SNX31: variants seen among roughly 807,000 people sequenced by gnomAD.
SNX31 encodes sorting nexin 31.
Under a neutral mutation model 65.4 loss-of-function variants are expected in SNX31, and 58 were observed. The ratio of observed to expected loss-of-function variants is 0.89; its 90% CI spans 0.72 to 1.10. SNX31 has a LOEUF of 1.10. SNX31 is among the 50% of genes least tolerant of loss of function. The probability of loss-of-function intolerance (pLI) is 0.00; values close to 1 mark genes in which losing one functional copy is unlikely to be tolerated. For missense variants in SNX31, 523 were observed against 529.7 expected (o/e 0.99, Z 0.12); for synonymous variants, 181 against 190.1 (o/e 0.95, Z 0.39).
intron 5 of SNX31, among the ~76,000 whole-genome samples, chr8:100,615,936 A>AT (rs113202320): frequency 0.031 from 4,634 of 149,094 alleles, 129 homozygotes; most frequent in African/African-American, 0.068. Flanking sequence ...CGCCCGGCTA[A>AT]TTTTTTTTTT....
chr8:100,578,913 G>T lies in SNX31; in HGVS notation c.1171-1838C>A, dbSNP rs186264136. 6.6e-6 allele frequency among the ~76,000 whole-genome samples: 1 copy of T among 151,832 alleles called. No individual in the cohort carries two copies. The highest frequency in any genetic ancestry group is 2.4e-5 in the African/African-American group (1 of 41,382). On this transcript the variant is annotated intron_variant, in intron 12 of 13. Transcript: ENST00000311812. The surrounding 1 kb of genome is among the most constrained non-coding windows in gnomAD (Gnocchi z 4.7). ...ATTTTTGTATTTTTGGTAGAGATGG[G>T]GTTTCACCATGTTGGCCAGGCTGGT...
chr8:100,586,716 A>T (rs546235465), intron 11 of SNX31, among the ~76,000 whole-genome samples: 3 of 152,318 alleles, frequency 2.0e-5, no homozygotes, highest in African/African-American at 7.2e-5. Context: ...TCATGTTTTC[A>T]GAGGACTTTG....
Position 100,629,133 on chromosome 8 carries a change from G to A in SNX31, c.321+1194C>T, listed in dbSNP as rs2131171938. ...GAATCCACATTTTTAAGTGACACAT[G>A]ATTGTGTGTGTGCATGTATGTGTAT... On this transcript the variant is annotated intron_variant, in intron 4 of 13. Coordinates refer to ENST00000311812, the MANE Select transcript of SNX31 (RefSeq NM_152628.4). The surrounding 1 kb of genome is among the most constrained non-coding windows in gnomAD (Gnocchi z 5.1). Among the ~76,000 whole-genome samples, 1 of 152,206 alleles carries A rather than the reference G, an allele frequency of 6.6e-6. No individual in the cohort carries two copies. Among genetic ancestry groups the A allele is most frequent in the South Asian group, 2.1e-4 (1 of 4,820 alleles).
chr8:100,640,841 A>C (rs561408622), intron 2 of SNX31, among the ~76,000 whole-genome samples: 1 of 152,334 alleles, frequency 6.6e-6, no homozygotes, highest in South Asian at 2.1e-4. Context: ...AGAGGAACTT[A>C]AGGAGACCTA....
chr8:100,600,416 C>T lies in SNX31; in HGVS notation c.707G>A (p.Trp236Ter). The T allele has an allele frequency of 6.2e-7, 1 of 1,613,466 alleles. No individual in the cohort carries two copies. The highest frequency in any genetic ancestry group is 8.5e-7 in the Non-Finnish European group (1 of 1,179,752). ...CCTCTGTGCCTGTGTGGGTTTGGCC[C>T]ATCCTTTTTCAATGTCCTGTATTGC... ...MQAIQDIEKG[W>*]AKPTQAQRQK... Residue 236 changes from tryptophan to a stop codon, truncating the protein, a stop_gained, in exon 9 of 14, where the codon TGG becomes TAG. Transcript: ENST00000311812. LOFTEE classifies it high-confidence loss of function.
At position 100,614,291 on chromosome 8, in the gene SNX31, C is replaced by T. The variant is rs1015408178; in HGVS notation, c.433-1206G>A. On this transcript the variant is annotated intron_variant, in intron 5 of 13. Transcript: ENST00000311812. This position sits in a 1 kb window ranked among gnomAD's most constrained non-coding sequence, Gnocchi z 5.1. ...ACATCTTTCCCAGAGTAAACCTGAC[C>T]CAGGTCCACTCAAGTTAGATTTCCT... Among the ~76,000 whole-genome samples the T allele has an allele frequency of 1.3e-4, 20 of 152,088 alleles. No individual in the cohort carries two copies. Among genetic ancestry groups the T allele is most frequent in the Non-Finnish European group, 2.9e-4 (20 of 68,016 alleles).
intron 1 of SNX31, among the ~76,000 whole-genome samples, chr8:100,656,617 G>A (rs1296139316): frequency 1.6e-5 from 2 of 128,464 alleles, no homozygotes; most frequent in Non-Finnish European, 3.1e-5. Flanking sequence ...CTCCAGCCTG[G>A]GCAACAGAGT....
chr8:100,641,561 A>ATATATATATAT (rs1563580340), intron 2 of SNX31, among the ~76,000 whole-genome samples: 1 of 28,714 alleles, frequency 3.5e-5, no homozygotes, highest in Non-Finnish European at 5.6e-5. Context: ...AAAAAAAAAA[A>ATATATATATAT]AAAAATATAT....
chr8:100,637,912 T>A (rs775332654), intron 2 of SNX31, among the ~76,000 whole-genome samples: 1 of 152,192 alleles, frequency 6.6e-6, no homozygotes, highest in Non-Finnish European at 1.5e-5. Context: ...GCCAGGCTGG[T>A]CTCAAACTCC....
At position 100,630,471 on chromosome 8, in the gene SNX31, C is replaced by G. The variant is rs1818340212; in HGVS notation, c.257-80G>C. ...ATTAATTGCTATGTCCTCCAGAGAT[C>G]CCTCCATGCCTTGCCAGTGCTCTGT... On this transcript the variant is annotated intron_variant, in intron 3 of 13. Transcript: ENST00000311812. The surrounding 1 kb of genome is among the most constrained non-coding windows in gnomAD (Gnocchi z 5.3). 5 of 1,164,264 alleles carry G rather than the reference C, an allele frequency of 4.3e-6. No individual in the cohort carries two copies. In the South Asian group the frequency reaches 7.2e-5, roughly 17 times the overall value. 72.1% of individuals were successfully genotyped at this position (1,164,264 alleles called of 1,614,324 possible).
intron 1 of SNX31, among the ~76,000 whole-genome samples, chr8:100,662,247 A>T (rs1809800060): frequency 6.6e-6 from 1 of 152,224 alleles, no homozygotes; most frequent in Non-Finnish European, 1.5e-5. Flanking sequence ...CTGTTAAATG[A>T]CAGAGCCAGG....
At chr8:100,663,584 T>C (rs1809825485), upstream of SNX31, among the ~76,000 whole-genome samples, 1 of 152,148 alleles carries the variant, frequency 6.6e-6, no homozygotes, top group African/African-American at 2.4e-5. Context: ...ATAAAGAAGA[T>C]TTTGTTTCTT....
At chr8:100,574,066 C>A in intron 13 of SNX31, 106 bp from the exon 14 acceptor site, 2 of 599,716 alleles carry the variant, frequency 3.3e-6, no homozygotes, top group Non-Finnish European at 2.8e-6. Context: ...CAACAGAAAG[C>A]TTACATTTGT....
At chr8:100,624,476 A>G (rs1817914451) in intron 4 of SNX31, among the ~76,000 whole-genome samples, 1 of 152,094 alleles carries the variant, frequency 6.6e-6, no homozygotes, top group South Asian at 2.1e-4. Flanking sequence ...CATGATGTCT[A>G]TTTCATTTTT....
intron 2 of SNX31, among the ~76,000 whole-genome samples, chr8:100,638,198 C>G (rs1587053093): frequency 6.6e-6 from 1 of 152,308 alleles, no homozygotes; most frequent in East Asian, 1.9e-4. Flanking sequence ...CTGCCTTTCT[C>G]AAAATCATCC....
chr8:100,654,481 G>A (rs532317272), upstream of SNX31, among the ~76,000 whole-genome samples: 1 of 152,258 alleles, frequency 6.6e-6, no homozygotes, highest in East Asian at 1.9e-4. Context: ...CAAAAATAAC[G>A]TTTCAGTCTG....
chr8:100,583,854 G>A lies in SNX31; in HGVS notation c.1170+257C>T, dbSNP rs11992388. Among the ~76,000 whole-genome samples the A allele has an allele frequency of 8.3e-3, 1,262 of 152,262 alleles. 30 individuals are homozygous for A. Among genetic ancestry groups the A allele is most frequent in the African/African-American group, 0.029 (1,216 of 41,538 alleles). ...CTGAAACAAAATGATACAAAGTCGAGGGTTAGAATTCTCAGTAACCCAAAG... is the reference window on the plus strand; with the variant it reads ...CTGAAACAAAATGATACAAAGTCGAAGGTTAGAATTCTCAGTAACCCAAAG... On this transcript the variant is annotated intron_variant, in intron 12 of 13. Transcript: ENST00000311812.
At chr8:100,655,712 G>A (rs1463638344) in intron 1 of SNX31, among the ~76,000 whole-genome samples, 6 of 152,182 alleles carry the variant, frequency 3.9e-5, no homozygotes, top group Non-Finnish European at 5.9e-5. Flanking sequence ...AGAAGTATAG[G>A]TGAGGCCTAA....
In SNX31 at chr8:100,648,231, C is replaced by T. The variant is rs62513899; in HGVS notation, c.141+1043G>A. Among the ~76,000 whole-genome samples, 20,123 of 151,764 alleles carry T rather than the reference C, an allele frequency of 0.13. 1,820 individuals are homozygous for T. Among genetic ancestry groups the T allele is most frequent in the African/African-American group, 0.26 (10,877 of 41,284 alleles). ...CATGGTGTATCTAACTCACTAGAAA[C>T]CCAGAGACTGTCTGAAAAAACTCTC... is the stretch of plus-strand genomic sequence containing the variant. On this transcript the variant is annotated intron_variant, in intron 2 of 13. Coordinates refer to ENST00000311812, the MANE Select transcript of SNX31 (RefSeq NM_152628.4). The surrounding 1 kb of genome is among the most constrained non-coding windows in gnomAD (Gnocchi z 4.3).
Sources: gnomAD v4.1 joint callset for allele counts (sites outside exome capture counted in the v4.1 genomes callset) on GRCh38, gnomAD v4.1.1 for gene constraint, Gnocchi (gnomAD v3.1) non-coding constraint, MANE v1.5 for transcripts, NCBI Gene and HGNC (gene_info 2026-07-23, HGNC 2026-07-21) for gene names.